ACACA: variants seen among roughly 807,000 people sequenced by gnomAD.
ACACA encodes acetyl-CoA carboxylase alpha, also known as acetyl-CoA carboxylase 1.
In ACACA, 103 loss-of-function variants were observed where a neutral mutation model predicts 296.1. That is an observed-to-expected ratio of 0.35 (90% confidence interval 0.30 to 0.41). ACACA has a LOEUF of 0.41. ACACA is among the 10% of genes least tolerant of loss of function. The pLI, the probability that ACACA is intolerant of heterozygous loss-of-function variation, is 1.00. For missense variants in ACACA, 1,554 were observed against 2,989.7 expected, an observed-to-expected ratio of 0.52 and a Z score of 11.20; for synonymous variants, 953 against 1,038.6, an observed-to-expected ratio of 0.92 and a Z score of 1.58.
intron 52 of ACACA, among the ~76,000 whole-genome samples, chr17:37,099,468 G>GAGGGCTGAGGT (rs772057985): frequency 0.015 from 2,214 of 151,008 alleles, 29 homozygotes; most frequent in Middle Eastern, 0.054. Context: ...AGGGCTGAGG[G>GAGGGCTGAGGT]ATGGAGGGCT....
intron 28 of ACACA, among the ~76,000 whole-genome samples, 158 bp downstream of exon 28, chr17:37,223,354 C>G (rs1021850443): frequency 2.0e-5 from 3 of 152,162 alleles, no homozygotes; most frequent in Non-Finnish European, 4.4e-5. Context: ...AGTAAAGTAT[C>G]TGAGTAAGCA....
chr17:37,357,136 A>G (rs1017057993), intron 1 of ACACA, among the ~76,000 whole-genome samples: 3 of 152,186 alleles, frequency 2.0e-5, no homozygotes, highest in Non-Finnish European at 4.4e-5. Context: ...ATTTCCCAAG[A>G]CTTCCTTTTT....
intron 47 of ACACA, 90 bp downstream of exon 47, chr17:37,129,275 C>T: frequency 2.6e-6 from 4 of 1,550,180 alleles, no homozygotes; most frequent in Non-Finnish European, 3.6e-6. Context: ...TTCTTAGTCA[C>T]ATGTGATTGT....
At chr17:37,146,454 G>C (rs2075812431) in intron 45 of ACACA, among the ~76,000 whole-genome samples, 1 of 136,620 alleles carries the variant, frequency 7.3e-6, no homozygotes. Context: ...GTAGGGGAAG[G>C]AAGGGGAAAA....
chr17:37,348,726 C>T (rs2147437754), intron 1 of ACACA, among the ~76,000 whole-genome samples: 1 of 151,962 alleles, frequency 6.6e-6, no homozygotes. Context: ...CTTTGGGAGG[C>T]AGAGACGGGC....
At chr17:37,242,975 C>A (rs2080496100) in intron 22 of ACACA, among the ~76,000 whole-genome samples, 1 of 151,256 alleles carries the variant, frequency 6.6e-6, no homozygotes. Flanking sequence ...GCAGGGGTTG[C>A]AGTGAGCCGA....
intron 1 of ACACA, among the ~76,000 whole-genome samples, chr17:37,369,766 T>TGCAATCTTGGC (rs1399625600): frequency 2.2e-4 from 34 of 152,166 alleles, no homozygotes; most frequent in African/African-American, 7.5e-4. Flanking sequence ...AGGGCAGTGG[T>TGCAATCTTGGC]GCAATCTTGG....
chr17:37,132,458 C>T (rs1036079322), intron 45 of ACACA, among the ~76,000 whole-genome samples: 4 of 152,176 alleles, frequency 2.6e-5, no homozygotes, highest in African/African-American at 9.6e-5. Flanking sequence ...CGATGGCCCA[C>T]AACTGGTCCT....
chr17:37,265,836 CCT>C (rs1486398992), intron 10 of ACACA, among the ~76,000 whole-genome samples: 1 of 152,130 alleles, frequency 6.6e-6, no homozygotes, highest in Non-Finnish European at 1.5e-5. Flanking sequence ...CTGAGAAATC[CCT>C]CTTTTTATTT....
intron 3 of ACACA, among the ~76,000 whole-genome samples, chr17:37,309,855 C>T (rs980225909): frequency 2.6e-5 from 4 of 151,758 alleles, no homozygotes; most frequent in African/African-American, 9.7e-5. Flanking sequence ...ACTTTGAGAC[C>T]AGCCTGGGCC....
intron 2 of ACACA, among the ~76,000 whole-genome samples, chr17:37,338,897 G>A (rs1320272271): frequency 3.3e-5 from 5 of 150,964 alleles, no homozygotes; most frequent in African/African-American, 7.3e-5. Context: ...CCGAGATTGC[G>A]CCACTGCACT....
intron 9 of ACACA, 38 bp from the exon 10 acceptor site, chr17:37,270,899 G>A: frequency 6.6e-7 from 1 of 1,519,576 alleles, no homozygotes. Context: ...AAGAAACAGT[G>A]TTATTACCAG....
chr17:37,332,917 A>G (rs1054610368), intron 2 of ACACA, among the ~76,000 whole-genome samples: 14 of 152,072 alleles, frequency 9.2e-5, no homozygotes, highest in African/African-American at 3.1e-4. Flanking sequence ...CTAGAAAAAA[A>G]AAAAAAAAAA....
intron 1 of ACACA, among the ~76,000 whole-genome samples, chr17:37,352,398 T>C (rs2048946881): frequency 6.6e-6 from 1 of 152,158 alleles, no homozygotes; most frequent in Non-Finnish European, 1.5e-5. Context: ...TCTTATTTCA[T>C]AGAGCTGCAT....
chr17:37,131,448 TA>T (rs2143489495), intron 45 of ACACA, among the ~76,000 whole-genome samples: 1 of 152,296 alleles, frequency 6.6e-6, no homozygotes, highest in African/African-American at 2.4e-5. Context: ...CGGAGAGCTC[TA>T]AACAGTTGTA....
intron 39 of ACACA, among the ~76,000 whole-genome samples, chr17:37,183,723 G>C (rs2077413074): frequency 1.3e-5 from 2 of 151,496 alleles, no homozygotes; most frequent in Admixed American, 6.6e-5. Flanking sequence ...GGTAGAACTT[G>C]CAGTGTTGCA....
Position 37,193,479 on chromosome 17 carries a change from A to G in ACACA, c.4159-64T>C, listed in dbSNP as rs893317005. 3.3e-4 allele frequency: 415 copies of G among 1,265,488 alleles called. 1 individual carries two copies. The highest frequency in any genetic ancestry group is 1.4e-4 in the Admixed American group (8 of 58,966). The allele number at this position is 1,265,488 out of a possible 1,614,324, so 78.4% of individuals were successfully genotyped here. ...TAGACATGGCTCTTTGAGAACAAAC[A>G]GTATAGAAACAGTTAAGCATTTAGA... is the stretch of plus-strand genomic sequence containing the variant. On this transcript the variant is annotated intron_variant, in intron 35 of 55. Coordinates refer to ENST00000616317, the MANE Select transcript of ACACA (RefSeq NM_198834.3).
At chr17:37,355,922 A>T (rs1460804594) in intron 1 of ACACA, among the ~76,000 whole-genome samples, 2 of 152,008 alleles carry the variant, frequency 1.3e-5, no homozygotes, top group Non-Finnish European at 2.9e-5. Context: ...TAATCCCAAC[A>T]CTTTGGGAAG....
intron 1 of ACACA, among the ~76,000 whole-genome samples, chr17:37,398,997 T>C (rs2051191227): frequency 6.6e-6 from 1 of 150,894 alleles, no homozygotes; most frequent in South Asian, 2.1e-4. Context: ...TTTTTTTTTT[T>C]AGATGGAGTT....
Sources: gnomAD v4.1 joint callset for allele counts (sites outside exome capture counted in the v4.1 genomes callset) on GRCh38, gnomAD v4.1.1 for gene constraint, MANE v1.5 for transcripts, NCBI Gene and HGNC (gene_info 2026-07-23, HGNC 2026-07-21) for gene names.